The following PNPLA1 variants were observed in gnomAD, a reference collection of about 807,000 sequenced individuals.
The protein encoded by PNPLA1 is patatin like domain 1, omega-hydroxyceramide transacylase.
PNPLA1 carries 36 observed loss-of-function variants against 51.7 expected under a neutral mutation model. That is an observed-to-expected ratio of 0.70 (90% CI 0.53 to 0.92). The LOEUF (loss-of-function observed/expected upper bound fraction) is 0.92. Ranked by LOEUF, PNPLA1 falls within the 40% of genes least tolerant of loss-of-function variation. The probability of loss-of-function intolerance (pLI) is 0.00; values close to 1 mark genes in which losing one functional copy is unlikely to be tolerated. For missense variants in PNPLA1, 658 were observed against 682.5 expected (o/e 0.96, Z 0.40); for synonymous variants, 293 against 280.1 (o/e 1.05, Z -0.46).
chr6:36,289,949 T>C (rs1357244812), intron 1 of PNPLA1, among the ~76,000 whole-genome samples: 5 of 152,236 alleles, frequency 3.3e-5, no homozygotes, highest in Non-Finnish European at 7.3e-5. Context: ...TCAGGTGCTC[T>C]ATTTATAAAT....
At chr6:36,285,380 C>T (rs1364719493) in intron 1 of PNPLA1, among the ~76,000 whole-genome samples, 10 of 152,196 alleles carry the variant, frequency 6.6e-5, no homozygotes, top group Admixed American at 2.0e-4. Flanking sequence ...CCTGGGGCCC[C>T]GCAGTCCCAT....
intron 5 of PNPLA1, among the ~76,000 whole-genome samples, chr6:36,296,541 T>TA (rs778324386): frequency 6.6e-6 from 1 of 152,186 alleles, no homozygotes; most frequent in Non-Finnish European, 1.5e-5. Context: ...TATGTAGCTT[T>TA]AAAAAATACT....
intron 5 of PNPLA1, among the ~76,000 whole-genome samples, chr6:36,300,178 T>TGTGTGAGAGAGAGAGAGAGAGAGAGAGA: frequency 5.1e-5 from 5 of 98,138 alleles, no homozygotes; most frequent in East Asian, 2.8e-4. Flanking sequence ...TGTGTGTGTG[T>TGTGTGAGAGAGAGAGAGAGAGAGAGAGA]GAGAGAGAGA....
chr6:36,245,127 T>C (rs1460754768), intron 1 of PNPLA1, among the ~76,000 whole-genome samples: 1 of 152,174 alleles, frequency 6.6e-6, no homozygotes, highest in Non-Finnish European at 1.5e-5. Flanking sequence ...TCTAAAAACC[T>C]GGGGTCAGCA....
intron 1 of PNPLA1, among the ~76,000 whole-genome samples, chr6:36,281,802 C>G (rs1444369470): frequency 1.3e-5 from 2 of 151,966 alleles, no homozygotes; most frequent in African/African-American, 2.4e-5. Flanking sequence ...AGTGGATCAC[C>G]TGAGGTCAGG....
intron 1 of PNPLA1, among the ~76,000 whole-genome samples, chr6:36,279,255 A>G (rs1770204886): frequency 6.6e-6 from 1 of 152,228 alleles, no homozygotes; most frequent in South Asian, 2.1e-4. Flanking sequence ...AACAGGACCC[A>G]GCACAACTTC....
intron 1 of PNPLA1, among the ~76,000 whole-genome samples, chr6:36,288,083 C>T (rs1368389309): frequency 1.3e-5 from 2 of 152,136 alleles, no homozygotes; most frequent in Non-Finnish European, 2.9e-5. Context: ...TATACTAAAG[C>T]CACCATTAAA....
At chr6:36,288,780 T>C (rs1770586471) in intron 1 of PNPLA1, among the ~76,000 whole-genome samples, 1 of 151,746 alleles carries the variant, frequency 6.6e-6, no homozygotes, top group South Asian at 2.1e-4. Flanking sequence ...TTTAAAAAAA[T>C]AAAAAAATCA....
At chr6:36,252,781 C>G (rs984312580) in intron 1 of PNPLA1, among the ~76,000 whole-genome samples, 4 of 152,206 alleles carry the variant, frequency 2.6e-5, no homozygotes, top group African/African-American at 9.6e-5. Context: ...CAGGCCCTTC[C>G]TGGTATTATC....
intron 1 of PNPLA1, among the ~76,000 whole-genome samples, chr6:36,284,051 G>C (rs985410589): frequency 2.0e-5 from 3 of 152,214 alleles, no homozygotes; most frequent in African/African-American, 7.2e-5. Context: ...TTCACCTCAG[G>C]GTGATCAGTA....
chr6:36,284,098 T>C (rs888914388), intron 1 of PNPLA1, among the ~76,000 whole-genome samples: 1 of 152,142 alleles, frequency 6.6e-6, no homozygotes, highest in Non-Finnish European at 1.5e-5. Context: ...TGTGCCTGGA[T>C]TCTGGGGGGA....
intron 1 of PNPLA1, among the ~76,000 whole-genome samples, chr6:36,271,408 T>C (rs990576936): frequency 6.6e-6 from 1 of 152,206 alleles, no homozygotes; most frequent in Admixed American, 6.5e-5. Context: ...AGAGCTCCTA[T>C]TCTAGACAGA....
Position 36,270,079 on chromosome 6 carries a change from G to A in PNPLA1, c.-381G>A, listed in dbSNP as rs1769863035. Among the ~76,000 whole-genome samples the A allele has an allele frequency of 6.6e-6, 1 of 152,258 alleles. No homozygotes were observed. Among genetic ancestry groups the A allele is most frequent in the African/African-American group, 2.4e-5 (1 of 41,474 alleles). On this transcript the variant is annotated 5_prime_UTR_variant, in exon 1 of 9. Coordinates refer to ENST00000636260, the MANE Select transcript of PNPLA1 (RefSeq NM_001374623.1). ...CTCCTTGGGCATGGCCCTGTGCTGG[G>A]GAGCAGTGAATGCGCCCTGGTATAC... is the stretch of plus-strand genomic sequence containing the variant.
upstream of PNPLA1, among the ~76,000 whole-genome samples, chr6:36,268,251 T>C (rs1769808624): frequency 6.6e-6 from 1 of 152,210 alleles, no homozygotes; most frequent in Admixed American, 6.5e-5. Flanking sequence ...TGACTCTTAC[T>C]ACCCTCTGAT....
At chr6:36,259,493 G>A (rs1157023572) in intron 1 of PNPLA1, among the ~76,000 whole-genome samples, 1 of 151,946 alleles carries the variant, frequency 6.6e-6, no homozygotes, top group Non-Finnish European at 1.5e-5. Flanking sequence ...GGTTTTCACT[G>A]TACAGTCCCT....
At position 36,270,205 on chromosome 6, in the gene PNPLA1, C is replaced by T. The variant is rs953140350; in HGVS notation, c.-255C>T. On this transcript the variant is annotated 5_prime_UTR_variant, in exon 1 of 9. Coordinates refer to ENST00000636260, the MANE Select transcript of PNPLA1 (RefSeq NM_001374623.1). ...CAGGACCAAGACCCTGCTCACACAC[C>T]GGGGGAGCCTTCTGCATCTCATTCT... 3.3e-5 allele frequency among the ~76,000 whole-genome samples: 5 copies of T among 152,234 alleles called. No homozygotes were observed. The highest frequency in any genetic ancestry group is 5.9e-5 in the Non-Finnish European group (4 of 68,032).
rs1163448742 is a variant in PNPLA1, at chr6:36,294,168, A to G, written c.505-22A>G. The G allele has an allele frequency of 8.1e-6, 13 of 1,613,006 alleles. No homozygotes were observed. The highest frequency in any genetic ancestry group is 1.1e-5 in the Non-Finnish European group (13 of 1,179,288). On this transcript the variant is annotated intron_variant, in intron 3 of 8. Transcript: ENST00000636260. The surrounding 1 kb of genome is among the most constrained non-coding windows in gnomAD (Gnocchi z 4.2). ...CTGAGAACTCTGGCCCCAAGTGGGCATTTCTCACTCTGCCCCCACAGAGGT... is the reference window on the plus strand; with the variant it reads ...CTGAGAACTCTGGCCCCAAGTGGGCGTTTCTCACTCTGCCCCCACAGAGGT...
chr6:36,270,674 G>C lies in PNPLA1; in HGVS notation c.205+10G>C, dbSNP rs878971008. ...TGCGGGATTGAAATGGGTGAGGCCT[G>C]TGTTCTGGGTCCCCTGGGAAGTCTC... is the stretch of plus-strand genomic sequence containing the variant. On this transcript the variant is annotated intron_variant, in intron 1 of 8. Transcript: ENST00000636260. 4 of 1,549,886 alleles carry C rather than the reference G, an allele frequency of 2.6e-6. No individual in the cohort carries two copies. The highest frequency in any genetic ancestry group is 2.0e-5 in the Admixed American group (1 of 51,006).
In PNPLA1 at chr6:36,306,377, G is replaced by A. The variant is rs1561873981; in HGVS notation, c.1469+1G>A. ...AAACCGTCAGCAAGCCTTATGTAAC[G>A]TAAGTTTCCCCTTCGTGGAGCACGC... On this transcript the variant is annotated splice_donor_variant, in intron 7 of 8. Coordinates refer to ENST00000636260, the MANE Select transcript of PNPLA1 (RefSeq NM_001374623.1). LOFTEE classifies it high-confidence loss of function. 4 of 1,606,994 alleles carry A rather than the reference G, an allele frequency of 2.5e-6. No homozygotes were observed. The highest frequency in any genetic ancestry group is 8.5e-7 in the Non-Finnish European group (1 of 1,177,420).
Sources: gnomAD v4.1 joint callset for allele counts (sites outside exome capture counted in the v4.1 genomes callset) on GRCh38, gnomAD v4.1.1 for gene constraint, Gnocchi (gnomAD v3.1) non-coding constraint, MANE v1.5 for transcripts, NCBI Gene and HGNC (gene_info 2026-07-23, HGNC 2026-07-21) for gene names.